Variants in PPP4R4 observed in about 807,000 individuals in gnomAD.
The protein encoded by PPP4R4 is protein phosphatase 4 regulatory subunit 4.
In PPP4R4, 70 loss-of-function variants were observed where a neutral mutation model predicts 121.8. The observed-to-expected ratio is 0.57, with a 90% CI of 0.47 to 0.70. The LOEUF (loss-of-function observed/expected upper bound fraction) is 0.70, where lower values mean the gene tolerates loss of function less well. Among genes scored for constraint, PPP4R4 ranks in the 30% least tolerant of loss-of-function variants. PPP4R4 has a pLI of 0.00. For missense variants in PPP4R4, 875 were observed against 1,033.6 expected (o/e 0.85, Z 2.10); for synonymous variants, 348 against 355.7 (o/e 0.98, Z 0.24).
intron 3 of PPP4R4, among the ~76,000 whole-genome samples, chr14:94,224,699 G>A (rs1206467967): frequency 6.6e-6 from 1 of 152,110 alleles, no homozygotes; most frequent in African/African-American, 2.4e-5. Context: ...ATACCTTTGA[G>A]ACATCCGAAG....
intron 3 of PPP4R4, among the ~76,000 whole-genome samples, chr14:94,224,396 C>A (rs1891582126): frequency 6.6e-6 from 1 of 152,074 alleles, no homozygotes; most frequent in Non-Finnish European, 1.5e-5. Flanking sequence ...AATCTGTTAC[C>A]CTTACCTGAG....
intron 3 of PPP4R4, among the ~76,000 whole-genome samples, chr14:94,220,279 C>T (rs192159591): frequency 1.3e-5 from 2 of 152,272 alleles, no homozygotes; most frequent in Admixed American, 1.3e-4. Flanking sequence ...TAGATGGGAG[C>T]TTCCTCTGTG....
rs749170474 is a variant in PPP4R4 at position 94,244,680 on chromosome 14, C to T, written c.1312C>T (p.Leu438=). 1.3e-6 allele frequency: 2 copies of T among 1,493,406 alleles called. No homozygotes were observed. Among genetic ancestry groups the T allele is most frequent in the African/African-American group, 2.8e-5 (2 of 70,530 alleles). 92.5% of individuals were successfully genotyped at this position (1,493,406 alleles called of 1,614,324 possible). Reference sequence around the variant, plus strand: ...TGGAGTATATTTAATACATAAAGAACTAATAACATTATTACAAGATGAATC... The same window carrying T: ...TGGAGTATATTTAATACATAAAGAATTAATAACATTATTACAAGATGAATC... ...NSGVYLIHKE[L]ITLLQDESLE... Residue 438 remains leucine, a synonymous_variant, in exon 12 of 25, where the codon CTA becomes TTA. Coordinates refer to ENST00000304338, the MANE Select transcript of PPP4R4 (RefSeq NM_058237.2).
Position 94,174,424 on chromosome 14 carries a change from C to G in PPP4R4, c.-42C>G. The G allele has an allele frequency of 3.4e-6, 5 of 1,489,428 alleles. No individual in the cohort carries two copies. Among genetic ancestry groups the G allele is most frequent in the South Asian group, 1.3e-5 (1 of 77,884 alleles). The allele number at this position is 1,489,428 out of a possible 1,614,324, so 92.3% of individuals were successfully genotyped here. ...GCGGGGCTGAGGGCGTCCGGCATCC[C>G]GGGGCCGCTCCGGCCCGGGCGGCGA... is the stretch of plus-strand genomic sequence containing the variant. On this transcript the variant is annotated 5_prime_UTR_variant, in exon 1 of 25. Coordinates refer to ENST00000304338, the MANE Select transcript of PPP4R4 (RefSeq NM_058237.2).
chr14:94,242,053 G>T, intron 10 of PPP4R4, 96 bp downstream of exon 10: 1 of 1,269,860 alleles, frequency 7.9e-7, no homozygotes, highest in Non-Finnish European at 1.1e-6. Context: ...TTTGACACTT[G>T]CTGCTTGCAT....
At chr14:94,190,963 A>G (rs913243550) in intron 2 of PPP4R4, among the ~76,000 whole-genome samples, 1 of 151,516 alleles carries the variant, frequency 6.6e-6, no homozygotes, top group East Asian at 1.9e-4. Context: ...GTGCATGTGT[A>G]TTAATATAGA....
At position 94,234,560 on chromosome 14, in the gene PPP4R4, A is replaced by C. The variant is rs1222088436; in HGVS notation, c.624-2A>C. ...GCATGTTTCTTTTCTCCCCACCTTCAGCATTAAGCGAGAAATACTTCCTCT... is the reference window on the plus strand; with the variant it reads ...GCATGTTTCTTTTCTCCCCACCTTCCGCATTAAGCGAGAAATACTTCCTCT... On this transcript the variant is annotated splice_acceptor_variant, in intron 6 of 24. Coordinates refer to ENST00000304338, the MANE Select transcript of PPP4R4 (RefSeq NM_058237.2). LOFTEE classifies it high-confidence loss of function. 1.3e-6 allele frequency: 2 copies of C among 1,555,268 alleles called. No individual in the cohort carries two copies. The highest frequency in any genetic ancestry group is 2.7e-5 in the African/African-American group (2 of 73,474).
intron 16 of PPP4R4, among the ~76,000 whole-genome samples, chr14:94,252,734 G>T (rs1214485933): frequency 2.0e-5 from 3 of 152,216 alleles, no homozygotes; most frequent in East Asian, 1.9e-4. Flanking sequence ...ATCAGAGTCA[G>T]TTGGCCAAAG....
intron 24 of PPP4R4, among the ~76,000 whole-genome samples, chr14:94,278,402 A>C (rs1238358466): frequency 2.0e-5 from 3 of 152,224 alleles, no homozygotes; most frequent in African/African-American, 7.2e-5. Context: ...TTTGGTAATT[A>C]AAGATCATTC....
chr14:94,175,818 TAGAAGG>T, intron 1 of PPP4R4: 1 of 542,764 alleles, frequency 1.8e-6, no homozygotes, highest in East Asian at 2.9e-5. Flanking sequence ...GTCCAGGAGC[TAGAAGG>T]ATAAAAACAG....
chr14:94,240,151 G>A (rs1341306914), intron 8 of PPP4R4, among the ~76,000 whole-genome samples: 1 of 152,066 alleles, frequency 6.6e-6, no homozygotes, highest in Admixed American at 6.6e-5. Context: ...TCAAATAATT[G>A]ATTAATTTTT....
chr14:94,251,943 T>C (rs1893205949), intron 16 of PPP4R4, 47 bp downstream of exon 16: 2 of 1,482,614 alleles, frequency 1.3e-6, no homozygotes, highest in East Asian at 4.7e-5. Context: ...TTTATTTTTA[T>C]CTACTATAGT....
intron 9 of PPP4R4, 111 bp from the exon 10 acceptor site, chr14:94,241,676 AC>A: frequency 1.3e-6 from 1 of 758,220 alleles, no homozygotes; most frequent in Admixed American, 3.4e-5. Context: ...AGTATCTGTA[AC>A]CATTTATTTA....
Position 94,244,655 on chromosome 14 carries a change from T to C in PPP4R4, c.1287T>C (p.Ser429=). ...TTTAGGTATCTAAGCTTCTGAATTCTGGAGTATATTTAATACATAAAGAAC... is the reference window on the plus strand; with the variant it reads ...TTTAGGTATCTAAGCTTCTGAATTCCGGAGTATATTTAATACATAAAGAAC... ...CFYEVSKLLN[S]GVYLIHKELI... The change falls in exon 12 of 25, where the codon TCT becomes TCC. Residue 429 remains serine, a synonymous_variant. Transcript: ENST00000304338. 1.3e-6 allele frequency: 2 copies of C among 1,501,296 alleles called. No individual in the cohort carries two copies. Among genetic ancestry groups the C allele is most frequent in the Non-Finnish European group, 1.8e-6 (2 of 1,104,830 alleles). The allele number at this position is 1,501,296 out of a possible 1,614,324, so 93.0% of individuals were successfully genotyped here. A position where few individuals can be genotyped will look rare whatever the true frequency, so the allele number is the denominator to read the frequency against.
intron 19 of PPP4R4, among the ~76,000 whole-genome samples, chr14:94,262,655 A>C (rs1004661604): frequency 1.3e-5 from 2 of 152,048 alleles, no homozygotes; most frequent in Non-Finnish European, 2.9e-5. Context: ...TATCTTGAAG[A>C]ATACACTCTT....
At chr14:94,231,084 G>A (rs574518685) in intron 4 of PPP4R4, among the ~76,000 whole-genome samples, 158 bp from the exon 5 acceptor site, 4 of 152,222 alleles carry the variant, frequency 2.6e-5, no homozygotes, top group African/African-American at 7.2e-5. Flanking sequence ...TTTTCTAGAT[G>A]TTGACTGAGA....
chr14:94,192,639 G>C (rs752068492), intron 2 of PPP4R4, among the ~76,000 whole-genome samples: 2 of 152,138 alleles, frequency 1.3e-5, no homozygotes, highest in Non-Finnish European at 2.9e-5. Context: ...AGGATCACTG[G>C]CTCTCTATAA....
intron 3 of PPP4R4, among the ~76,000 whole-genome samples, chr14:94,219,677 T>G (rs747278735): frequency 2.6e-5 from 4 of 152,188 alleles, no homozygotes; most frequent in Non-Finnish European, 5.9e-5. Flanking sequence ...GAATTCAAGA[T>G]TGTTTCAAAA....
intron 19 of PPP4R4, 27 bp from the exon 20 acceptor site, chr14:94,264,851 T>A: frequency 2.0e-6 from 3 of 1,533,312 alleles, no homozygotes; most frequent in Non-Finnish European, 2.7e-6. Flanking sequence ...GTTGTACCTT[T>A]AATGCAAGAT....
Sources: gnomAD v4.1 joint callset for allele counts (sites outside exome capture counted in the v4.1 genomes callset) on GRCh38, gnomAD v4.1.1 for gene constraint, MANE v1.5 for transcripts, NCBI Gene and HGNC (gene_info 2026-07-23, HGNC 2026-07-21) for gene names.